SLC2A13: variants seen among roughly 807,000 people sequenced by gnomAD.
SLC2A13 encodes the protein proton myo-inositol cotransporter.
Under a neutral mutation model 64.4 loss-of-function variants are expected in SLC2A13, and 32 were observed. The ratio of observed to expected loss-of-function variants is 0.50; its 90% confidence interval spans 0.37 to 0.67. SLC2A13 has a LOEUF of 0.67. SLC2A13 is among the 30% of genes least tolerant of loss of function. The pLI, the probability that SLC2A13 is intolerant of heterozygous loss-of-function variation, is 0.00. For missense variants in SLC2A13, 743 were observed against 829.2 expected (o/e 0.90, Z 1.28); for synonymous variants, 338 against 327.1 (o/e 1.03, Z -0.36).
intron 4 of SLC2A13, among the ~76,000 whole-genome samples, chr12:39,910,928 C>A (rs1190872778): frequency 6.6e-6 from 1 of 151,764 alleles, no homozygotes; most frequent in African/African-American, 2.4e-5. Context: ...ACTAAAAATA[C>A]CAAAAATTAG....
chr12:39,914,009 T>C (rs1945477543), intron 4 of SLC2A13, among the ~76,000 whole-genome samples: 1 of 151,896 alleles, frequency 6.6e-6, no homozygotes, highest in South Asian at 2.1e-4. Flanking sequence ...CTAAGTAAAA[T>C]TCAATACAAT....
chr12:39,992,003 GC>G (rs1291926336), intron 3 of SLC2A13, among the ~76,000 whole-genome samples: 1 of 152,058 alleles, frequency 6.6e-6, no homozygotes. Flanking sequence ...TGCTACCATT[GC>G]CCCAAAGCTG....
chr12:40,097,892 AAAG>A (rs1939006188), intron 1 of SLC2A13, among the ~76,000 whole-genome samples: 1 of 152,126 alleles, frequency 6.6e-6, no homozygotes, highest in East Asian at 1.9e-4. Flanking sequence ...AAAATAATTC[AAAG>A]AAGGACCTCA....
At chr12:39,950,990 T>C in intron 4 of SLC2A13, 2 of 398,698 alleles carry the variant, frequency 5.0e-6, no homozygotes, top group Non-Finnish European at 8.8e-6. Context: ...AAGCTCAGAA[T>C]ACAAGGAGGT....
chr12:40,067,343 A>G (rs1471982045), intron 1 of SLC2A13, among the ~76,000 whole-genome samples: 1 of 152,168 alleles, frequency 6.6e-6, no homozygotes, highest in African/African-American at 2.4e-5. Flanking sequence ...ATAGGGCTAC[A>G]GTCACGTGCC....
chr12:39,958,666 A>G (rs952952570), intron 3 of SLC2A13, among the ~76,000 whole-genome samples: 1 of 152,196 alleles, frequency 6.6e-6, no homozygotes. Flanking sequence ...CTCCTGCCCC[A>G]GCCCACCTGA....
intron 4 of SLC2A13, among the ~76,000 whole-genome samples, chr12:39,882,077 T>C (rs934522797): frequency 6.6e-6 from 1 of 152,192 alleles, no homozygotes; most frequent in Non-Finnish European, 1.5e-5. Flanking sequence ...GTCACTCTCA[T>C]GTAGACTTTA....
intron 3 of SLC2A13, among the ~76,000 whole-genome samples, chr12:40,003,369 C>T (rs1947350762): frequency 6.6e-6 from 1 of 152,112 alleles, no homozygotes. Context: ...TAACGATTAT[C>T]TCCAAGGACC....
intron 1 of SLC2A13, among the ~76,000 whole-genome samples, chr12:40,088,982 C>A (rs1437837627): frequency 6.6e-6 from 1 of 152,100 alleles, no homozygotes; most frequent in Non-Finnish European, 1.5e-5. Context: ...GAAATAATTT[C>A]TAGTATTCAG....
At chr12:39,843,009 C>T (rs2135878125) in intron 6 of SLC2A13, among the ~76,000 whole-genome samples, 1 of 151,922 alleles carries the variant, frequency 6.6e-6, no homozygotes, top group South Asian at 2.1e-4. Context: ...ATCTATTTGT[C>T]AGCTGATGGG....
chr12:39,855,388 A>G (rs765597594), intron 6 of SLC2A13, among the ~76,000 whole-genome samples: 4 of 152,216 alleles, frequency 2.6e-5, no homozygotes, highest in Non-Finnish European at 5.9e-5. Context: ...AGAACACTAT[A>G]AAAGGATCCA....
At chr12:39,786,598 G>A (rs1422146091) in intron 7 of SLC2A13, among the ~76,000 whole-genome samples, 2 of 152,280 alleles carry the variant, frequency 1.3e-5, no homozygotes, top group African/African-American at 4.8e-5. Context: ...AGGAGAGCAT[G>A]ATATTCAGAC....
chr12:39,829,405 T>TTTTTTTTTTTTTTG (rs1942790597), intron 7 of SLC2A13: 1 of 106,232 alleles, frequency 9.4e-6, no homozygotes, highest in African/African-American at 3.8e-5. Context: ...TTTTTTTTTT[T>TTTTTTTTTTTTTTG]TTTTTTTTTT....
At chr12:39,822,903 T>C (rs1312784169) in intron 7 of SLC2A13, among the ~76,000 whole-genome samples, 1 of 152,246 alleles carries the variant, frequency 6.6e-6, no homozygotes, top group Non-Finnish European at 1.5e-5. Flanking sequence ...AGAAATTCGA[T>C]AAATTAATAT....
At chr12:40,004,592 G>A (rs529977538) in intron 3 of SLC2A13, among the ~76,000 whole-genome samples, 41 of 151,446 alleles carry the variant, frequency 2.7e-4, no homozygotes, top group Admixed American at 1.3e-3. Flanking sequence ...AGCACAGACT[G>A]GGCAATGAGT....
chr12:40,063,291 A>C (rs1232662702), intron 1 of SLC2A13, among the ~76,000 whole-genome samples: 1 of 152,144 alleles, frequency 6.6e-6, no homozygotes, highest in African/African-American at 2.4e-5. Flanking sequence ...GGATAGACAG[A>C]AAAACCAGTT....
At chr12:39,989,985 T>A (rs187726918) in intron 3 of SLC2A13, among the ~76,000 whole-genome samples, 4 of 152,294 alleles carry the variant, frequency 2.6e-5, no homozygotes, top group African/African-American at 9.6e-5. Flanking sequence ...ACAATTTTAT[T>A]CTCCTGGAGT....
intron 4 of SLC2A13, among the ~76,000 whole-genome samples, chr12:39,897,916 A>G (rs1049130658): frequency 3.9e-5 from 6 of 152,074 alleles, no homozygotes; most frequent in African/African-American, 1.4e-4. Flanking sequence ...TAGATCTATG[A>G]AATATAAGAA....
At chr12:39,847,478 A>T (rs190847112) in intron 6 of SLC2A13, among the ~76,000 whole-genome samples, 149 of 152,178 alleles carry the variant, frequency 9.8e-4, no homozygotes, top group Non-Finnish European at 1.6e-3. Flanking sequence ...CTTCAAAGGG[A>T]GCTGATTCAG....
Sources: gnomAD v4.1 joint callset for allele counts (sites outside exome capture counted in the v4.1 genomes callset) on GRCh38, gnomAD v4.1.1 for gene constraint, MANE v1.5 for transcripts, NCBI Gene and HGNC (gene_info 2026-07-23, HGNC 2026-07-21) for gene names.